RNF216: variants seen among roughly 807,000 people sequenced by gnomAD.
RNF216 encodes the protein E3 ubiquitin-protein ligase RNF216.
A neutral mutation model predicts 110.8 loss-of-function variants in RNF216; 72 were observed. That is an observed-to-expected ratio of 0.65 (90% CI 0.54 to 0.79). RNF216 has a LOEUF of 0.79. Ranked by LOEUF, RNF216 falls within the 30% of genes least tolerant of loss-of-function variation. The pLI is 0.00. For synonymous variants in RNF216, 495 were observed against 407.5 expected, an observed-to-expected ratio of 1.21 and a Z score of -2.59; for missense variants, 1,342 against 1,141.2, an observed-to-expected ratio of 1.18 and a Z score of -2.54.
At chr7:5,699,272 TAA>T (rs1373501675) in intron 13 of RNF216, among the ~76,000 whole-genome samples, 3 of 152,150 alleles carry the variant, frequency 2.0e-5, no homozygotes, top group East Asian at 1.9e-4. Flanking sequence ...CTGCAAAAGA[TAA>T]AGACTCTTGA....
chr7:5,706,983 T>G (rs77457979), intron 13 of RNF216, among the ~76,000 whole-genome samples: 5,769 of 152,312 alleles, frequency 0.038, 134 homozygotes, highest in Non-Finnish European at 0.055. Context: ...CTAAGTTCAT[T>G]CTTTTGCATG....
At chr7:5,683,080 C>T (rs1052577463) in intron 13 of RNF216, among the ~76,000 whole-genome samples, 2 of 151,880 alleles carry the variant, frequency 1.3e-5, no homozygotes, top group Non-Finnish European at 2.9e-5. Flanking sequence ...AAAACAAAAC[C>T]GCAGGGCACA....
rs568925681 is a variant in RNF216, at chr7:5,773,092, A to G, written c.-70+8449T>C. ...ACCATGCCTGGCCCCAGGTATTCCC[A>G]CTTTTAAAACTGACATATATCAGCG... On this transcript the variant is annotated intron_variant, in intron 1 of 16. Coordinates refer to ENST00000389902, the MANE Select transcript of RNF216 (RefSeq NM_207111.4). 3.3e-5 allele frequency among the ~76,000 whole-genome samples: 5 copies of G among 152,174 alleles called. No homozygotes were observed. The East Asian group carries it at 7.7e-4, about 24-fold the overall frequency.
At chr7:5,753,691 G>A (rs887995062) in intron 2 of RNF216, among the ~76,000 whole-genome samples, 2 of 152,120 alleles carry the variant, frequency 1.3e-5, no homozygotes, top group Non-Finnish European at 2.9e-5. Flanking sequence ...AAGGTTAAGA[G>A]GGACAATTTT....
At chr7:5,652,727 T>C (rs1788474400) in intron 13 of RNF216, among the ~76,000 whole-genome samples, 1 of 152,000 alleles carries the variant, frequency 6.6e-6, no homozygotes, top group East Asian at 1.9e-4. Flanking sequence ...ACCAGCACTT[T>C]GGAAGGCTGT....
intron 1 of RNF216, among the ~76,000 whole-genome samples, chr7:5,761,701 G>A (rs1795943468): frequency 6.6e-6 from 1 of 151,772 alleles, no homozygotes; most frequent in Non-Finnish European, 1.5e-5. Context: ...CAGGAGAATC[G>A]CTTGAACCCG....
chr7:5,777,300 T>C (rs1004039840), intron 1 of RNF216, among the ~76,000 whole-genome samples: 2 of 152,248 alleles, frequency 1.3e-5, no homozygotes, highest in East Asian at 3.8e-4. Flanking sequence ...AATTATTCTA[T>C]GAAGCAGTAA....
intron 15 of RNF216, among the ~76,000 whole-genome samples, chr7:5,633,608 G>A (rs1787213190): frequency 6.6e-6 from 1 of 152,014 alleles, no homozygotes; most frequent in Non-Finnish European, 1.5e-5. Flanking sequence ...CAAAAACAAG[G>A]AAATAAGCGG....
intron 15 of RNF216, among the ~76,000 whole-genome samples, chr7:5,630,236 C>G (rs370443740): frequency 1.3e-5 from 2 of 152,092 alleles, no homozygotes; most frequent in Non-Finnish European, 2.9e-5. Context: ...CTGGCTTCTT[C>G]AAGAGAGGCT....
intron 2 of RNF216, chr7:5,760,522 GA>G (rs756562209): frequency 0.012 from 2,656 of 224,290 alleles, no homozygotes; most frequent in South Asian, 0.023. Context: ...CTCAAAAAAA[GA>G]AAAAAAAAAA....
chr7:5,633,565 A>ACTCC (rs972289826), intron 15 of RNF216, among the ~76,000 whole-genome samples: 1 of 151,968 alleles, frequency 6.6e-6, no homozygotes, highest in African/African-American at 2.4e-5. Context: ...ACAGAGGGAG[A>ACTCC]CTCCCTCTCA....
intron 1 of RNF216, among the ~76,000 whole-genome samples, chr7:5,769,492 G>C (rs1252264069): frequency 6.6e-6 from 1 of 150,792 alleles, no homozygotes; most frequent in Non-Finnish European, 1.5e-5. Flanking sequence ...GGAGTCTGAG[G>C]TGGGCGGACT....
At chr7:5,741,921 C>A in intron 3 of RNF216, 106 bp from the exon 4 acceptor site, 1 of 1,161,446 alleles carries the variant, frequency 8.6e-7, no homozygotes, top group Non-Finnish European at 1.2e-6. Context: ...AACAAAAACA[C>A]CATCTCCCTT....
intron 13 of RNF216, among the ~76,000 whole-genome samples, chr7:5,664,674 C>A (rs1789388714): frequency 6.6e-6 from 1 of 152,224 alleles, no homozygotes; most frequent in African/African-American, 2.4e-5. Flanking sequence ...CTGTGGAAGG[C>A]CAGTTGCCGC....
intron 7 of RNF216, among the ~76,000 whole-genome samples, chr7:5,729,179 C>A (rs1444970764): frequency 1.3e-5 from 2 of 152,204 alleles, no homozygotes; most frequent in Non-Finnish European, 2.9e-5. Context: ...CACACTCCTG[C>A]ATTCCACAGT....
At chr7:5,684,305 C>T (rs912153694) in intron 13 of RNF216, among the ~76,000 whole-genome samples, 1 of 151,874 alleles carries the variant, frequency 6.6e-6, no homozygotes, top group African/African-American at 2.4e-5. Flanking sequence ...GACGGGGTTT[C>T]ACTGTGTTAG....
At chr7:5,776,969 AG>A (rs1484513685) in intron 1 of RNF216, among the ~76,000 whole-genome samples, 3 of 151,902 alleles carry the variant, frequency 2.0e-5, no homozygotes, top group Admixed American at 2.0e-4. Context: ...AGAAAGAAAA[AG>A]AAAGTGAAAG....
intron 13 of RNF216, among the ~76,000 whole-genome samples, chr7:5,660,377 T>C (rs1789035650): frequency 1.4e-5 from 2 of 139,942 alleles, no homozygotes; most frequent in Admixed American, 7.9e-5. Flanking sequence ...CTGCAAGCTC[T>C]GCCTCTTGGG....
At chr7:5,745,785 A>C (rs940967906) in intron 3 of RNF216, among the ~76,000 whole-genome samples, 9 of 151,786 alleles carry the variant, frequency 5.9e-5, no homozygotes, top group South Asian at 4.2e-4. Flanking sequence ...CTGTAATCCC[A>C]GCTACTCTCG....
Sources: allele counts gnomAD v4.1 joint callset (sites outside exome capture counted in the v4.1 genomes callset), GRCh38; gene constraint gnomAD v4.1.1; transcripts MANE v1.5; gene names NCBI Gene and HGNC (gene_info 2026-07-23, HGNC 2026-07-21).